The following WDR64 variants were observed in gnomAD, a reference collection of about 807,000 sequenced individuals.
WDR64 encodes the protein WD repeat domain 64.
A neutral mutation model predicts 139.3 loss-of-function variants in WDR64; 112 were observed. That is an observed-to-expected ratio of 0.80 (90% CI 0.69 to 0.94). The LOEUF is 0.94. WDR64 is among the 40% of genes least tolerant of loss of function. WDR64 has a pLI of 0.00. For synonymous variants in WDR64, 444 were observed against 437.7 expected, an observed-to-expected ratio of 1.01 and a Z score of -0.18; for missense variants, 1,206 against 1,293.1, an observed-to-expected ratio of 0.93 and a Z score of 1.03.
intron 20 of WDR64, 64 bp downstream of exon 20, chr1:241,772,995 G>A: frequency 6.7e-7 from 1 of 1,484,108 alleles, no homozygotes; most frequent in Non-Finnish European, 9.0e-7. Context: ...ATCATTAAAT[G>A]AATCTTAGTG....
chr1:241,756,650 C>T (rs1319727472), intron 14 of WDR64, among the ~76,000 whole-genome samples: 1 of 152,160 alleles, frequency 6.6e-6, no homozygotes, highest in Non-Finnish European at 1.5e-5. Flanking sequence ...TCCTCTACTC[C>T]TGGTGAGAGT....
chr1:241,766,192 G>A, intron 15 of WDR64, 26 bp from the exon 16 acceptor site: 1 of 1,610,544 alleles, frequency 6.2e-7, no homozygotes. Context: ...CTATATTTAT[G>A]GTGTTCTGTT....
chr1:241,700,361 G>T (rs1667665382), intron 8 of WDR64, among the ~76,000 whole-genome samples: 1 of 151,746 alleles, frequency 6.6e-6, no homozygotes, highest in Admixed American at 6.6e-5. Context: ...AAGTAGTATT[G>T]TCATATCTTC....
Position 241,775,170 on chromosome 1 carries a change from T to C in WDR64, c.2496T>C (p.Tyr832=), listed in dbSNP as rs1382275775. 2.6e-6 allele frequency: 4 copies of C among 1,551,096 alleles called. No individual in the cohort carries two copies. Among genetic ancestry groups the C allele is most frequent in the South Asian group, 1.2e-5 (1 of 84,030 alleles). Residue 832 remains tyrosine (Y), a synonymous_variant, in exon 21 of 28, where the codon TAT becomes TAC. Coordinates refer to ENST00000437684, the MANE Select transcript of WDR64 (RefSeq NM_001367482.1). ...CTGCCATTTCTCTGACATCGCTGTA[T>C]ACTGATTCATGTACGAGGATACTAC... ...KHSAISLTSL[Y]TDSCTRILLA...
chr1:241,780,107 T>C, intron 22 of WDR64, 45 bp downstream of exon 22: 1 of 1,461,854 alleles, frequency 6.8e-7, no homozygotes, highest in Non-Finnish European at 9.4e-7. Flanking sequence ...TCAGCATATA[T>C]TTATTGAGCA....
At chr1:241,720,733 C>G (rs1323830148) in intron 9 of WDR64, among the ~76,000 whole-genome samples, 2 of 152,092 alleles carry the variant, frequency 1.3e-5, no homozygotes, top group African/African-American at 2.4e-5. Context: ...CAAAAATTTT[C>G]TCCCATTCTG....
chr1:241,798,370 T>G lies in WDR64; in HGVS notation c.3192+2000T>G, dbSNP rs138828716. Among the ~76,000 whole-genome samples the G allele has an allele frequency of 3.3e-4, 50 of 152,280 alleles. No individual in the cohort carries two copies. In the East Asian group the frequency reaches 9.4e-3, roughly 29 times the overall value. ...GTTAAGTGTGGCCAGGAGGTCAAAA[T>G]TGGTTTCCAATATACAATTAAGACC... On this transcript the variant is annotated intron_variant, in intron 27 of 27. Transcript: ENST00000437684.
At chr1:241,718,734 A>C (rs781761968) in intron 9 of WDR64, among the ~76,000 whole-genome samples, 1 of 152,184 alleles carries the variant, frequency 6.6e-6, no homozygotes, top group Non-Finnish European at 1.5e-5. Context: ...GGAGGCTAGA[A>C]GTGCAGGATC....
chr1:241,672,594 G>C (rs1428952209), intron 3 of WDR64, among the ~76,000 whole-genome samples: 2 of 152,178 alleles, frequency 1.3e-5, no homozygotes, highest in African/African-American at 2.4e-5. Flanking sequence ...ATTCCAATAG[G>C]GAGAGGCAGA....
chr1:241,700,749 A>G (rs748621410), intron 8 of WDR64, among the ~76,000 whole-genome samples: 6 of 152,224 alleles, frequency 3.9e-5, no homozygotes, highest in Non-Finnish European at 7.3e-5. Flanking sequence ...TAACTTTCTT[A>G]TCTCACAGGA....
intron 23 of WDR64, among the ~76,000 whole-genome samples, 184 bp from the exon 24 acceptor site, chr1:241,787,665 C>CAAA (rs58063137): frequency 8.8e-4 from 103 of 116,592 alleles, no homozygotes; most frequent in African/African-American, 1.5e-3. Flanking sequence ...AACTCCATCT[C>CAAA]AAAAAAAAAA....
At chr1:241,763,731 G>C (rs999236019) in intron 15 of WDR64, among the ~76,000 whole-genome samples, 2 of 151,976 alleles carry the variant, frequency 1.3e-5, no homozygotes, top group African/African-American at 4.8e-5. Flanking sequence ...AAGTCAATTA[G>C]GAAAAAAATT....
intron 16 of WDR64, 129 bp downstream of exon 16, chr1:241,766,480 C>A: frequency 2.0e-6 from 2 of 1,010,924 alleles, no homozygotes; most frequent in East Asian, 2.7e-5. Context: ...GGAGGAGGAT[C>A]ACTTAAGGCC....
intron 8 of WDR64, among the ~76,000 whole-genome samples, chr1:241,699,335 G>T (rs750018619): frequency 6.6e-6 from 1 of 152,128 alleles, no homozygotes; most frequent in African/African-American, 2.4e-5. Context: ...AATTCCAGAA[G>T]AAACTCTACA....
At chr1:241,653,745 A>G (rs890374825) in intron 1 of WDR64, among the ~76,000 whole-genome samples, 1 of 151,876 alleles carries the variant, frequency 6.6e-6, no homozygotes, top group Non-Finnish European at 1.5e-5. Flanking sequence ...GGGTTTCACC[A>G]TGTTGGCCAG....
intron 10 of WDR64, among the ~76,000 whole-genome samples, chr1:241,737,151 A>G (rs1669360214): frequency 6.6e-6 from 1 of 152,208 alleles, no homozygotes; most frequent in South Asian, 2.1e-4. Flanking sequence ...AAAAGGCTCA[A>G]TGTTCTATCT....
rs1665721648 is a variant in WDR64 at position 241,658,975 on chromosome 1, G to A, written c.146-1555G>A. ...TGTTACATAGGTAAACATGTGCCATGGTAGTTTGCTGCACAGATCATCCCA... is the reference window on the plus strand; with the variant it reads ...TGTTACATAGGTAAACATGTGCCATAGTAGTTTGCTGCACAGATCATCCCA... On this transcript the variant is annotated intron_variant, in intron 1 of 27. Transcript: ENST00000437684. 2.0e-5 allele frequency among the ~76,000 whole-genome samples: 3 copies of A among 151,744 alleles called. No homozygotes were observed. In the South Asian group the frequency reaches 6.2e-4, roughly 32 times the overall value.
At chr1:241,681,170 C>T (rs951070951) in intron 6 of WDR64, among the ~76,000 whole-genome samples, 2 of 151,924 alleles carry the variant, frequency 1.3e-5, no homozygotes, top group African/African-American at 4.8e-5. Context: ...TATTTGGTTA[C>T]ATGAGTAAGC....
chr1:241,734,023 GAA>G (rs1669196686), intron 10 of WDR64, among the ~76,000 whole-genome samples: 1 of 152,072 alleles, frequency 6.6e-6, no homozygotes, highest in South Asian at 2.1e-4. Flanking sequence ...AAGCTAAAGG[GAA>G]AAGTCAATCT....
Sources: gnomAD v4.1 joint callset for allele counts (sites outside exome capture counted in the v4.1 genomes callset) on GRCh38, gnomAD v4.1.1 for gene constraint, MANE v1.5 for transcripts, NCBI Gene and HGNC (gene_info 2026-07-23, HGNC 2026-07-21) for gene names.